Variants in ZNF618 observed in about 807,000 individuals in gnomAD.
ZNF618 encodes neural precursor cell expressed, developmentally down-regulated 10.
In ZNF618, 34 loss-of-function variants were observed where a neutral mutation model predicts 103.0. That is an observed-to-expected ratio of 0.33 (90% CI 0.25 to 0.44). The LOEUF (loss-of-function observed/expected upper bound fraction) is 0.44, where lower values mean the gene tolerates loss of function less well. Among genes scored for constraint, ZNF618 ranks in the 20% least tolerant of loss-of-function variants. ZNF618 has a pLI of 1.00. For synonymous variants in ZNF618, 551 were observed against 542.2 expected, an observed-to-expected ratio of 1.02 and a Z score of -0.23; for missense variants, 1,059 against 1,295.4, an observed-to-expected ratio of 0.82 and a Z score of 2.80.
chr9:114,020,658 A>C (rs111818545), intron 10 of ZNF618, among the ~76,000 whole-genome samples: 1 of 152,246 alleles, frequency 6.6e-6, no homozygotes, highest in African/African-American at 2.4e-5. Context: ...TGTGTATTGC[A>C]AATTAGCTAA....
At chr9:114,039,593 C>T (rs1018082210) in intron 13 of ZNF618, among the ~76,000 whole-genome samples, 3 of 152,096 alleles carry the variant, frequency 2.0e-5, no homozygotes, top group East Asian at 1.9e-4. Context: ...TCAAGTGATC[C>T]GCCCACCTCA....
intron 1 of ZNF618, among the ~76,000 whole-genome samples, chr9:113,948,212 A>G (rs1457600931): frequency 2.6e-5 from 4 of 152,194 alleles, no homozygotes; most frequent in African/African-American, 4.8e-5. Flanking sequence ...AGCATACTCC[A>G]TCGCCATTGT....
chr9:113,982,631 C>T (rs750719959), intron 2 of ZNF618, among the ~76,000 whole-genome samples: 3 of 152,030 alleles, frequency 2.0e-5, no homozygotes, highest in Admixed American at 1.3e-4. Context: ...AGGGGGCTAC[C>T]GCTCACCCCA....
At chr9:114,018,973 G>A (rs1235654690) in intron 10 of ZNF618, among the ~76,000 whole-genome samples, 1 of 152,178 alleles carries the variant, frequency 6.6e-6, no homozygotes, top group African/African-American at 2.4e-5. Context: ...TGTGGAGGCA[G>A]GGGCTGGACT....
rs530328128 is a variant in ZNF618 at position 114,002,549 on chromosome 9, C to G, written c.512-75C>G. 32 of 1,509,172 alleles carry G rather than the reference C, an allele frequency of 2.1e-5. No individual in the cohort carries two copies. The East Asian group carries it at 6.3e-4, about 30-fold the overall frequency. 93.5% of individuals were successfully genotyped at this position (1,509,172 alleles called of 1,614,324 possible). ...GCTCTTCCCCTGTGGCTTCCATGTTCTCTTTTGCACTTGGCACTGGCCCTG... is the reference window on the plus strand; with the variant it reads ...GCTCTTCCCCTGTGGCTTCCATGTTGTCTTTTGCACTTGGCACTGGCCCTG... On this transcript the variant is annotated intron_variant, in intron 5 of 14. Coordinates refer to ENST00000374126, the MANE Select transcript of ZNF618 (RefSeq NM_001318042.2).
chr9:113,883,177 A>G (rs574937970), intron 1 of ZNF618, among the ~76,000 whole-genome samples: 12 of 152,338 alleles, frequency 7.9e-5, no homozygotes, highest in Admixed American at 2.6e-4. Flanking sequence ...GTCAAAGCCA[A>G]TGTTTTATTA....
At chr9:113,924,382 G>A (rs1392137467) in intron 1 of ZNF618, among the ~76,000 whole-genome samples, 1 of 147,048 alleles carries the variant, frequency 6.8e-6, no homozygotes, top group African/African-American at 2.5e-5. Context: ...TTCGATTTCT[G>A]ATGTTAGTAA....
chr9:114,026,763 G>A (rs1198239582), intron 10 of ZNF618, among the ~76,000 whole-genome samples: 2 of 152,170 alleles, frequency 1.3e-5, no homozygotes, highest in Non-Finnish European at 2.9e-5. Flanking sequence ...TACATTTGAA[G>A]AGCAGTTTAT....
intron 1 of ZNF618, among the ~76,000 whole-genome samples, chr9:113,964,750 C>CTTTTTTT (rs765191153): frequency 1.4e-3 from 138 of 98,304 alleles, no homozygotes; most frequent in East Asian, 1.7e-3. Context: ...CTCCTTTCTG[C>CTTTTTTT]TTTTTTTTTT....
chr9:113,996,416 C>T (rs913473101), intron 3 of ZNF618, among the ~76,000 whole-genome samples: 3 of 152,148 alleles, frequency 2.0e-5, no homozygotes, highest in East Asian at 1.9e-4. Context: ...GAAAGGTGCC[C>T]GAGCTTCTCT....
intron 13 of ZNF618, among the ~76,000 whole-genome samples, chr9:114,040,793 G>A (rs1255216113): frequency 1.3e-5 from 2 of 151,676 alleles, no homozygotes; most frequent in African/African-American, 2.4e-5. Context: ...ATAAACATAC[G>A]TGTGCATGTG....
intron 1 of ZNF618, among the ~76,000 whole-genome samples, chr9:113,929,377 C>T (rs1255743460): frequency 6.6e-6 from 1 of 152,206 alleles, no homozygotes; most frequent in Non-Finnish European, 1.5e-5. Context: ...GGCCTCAATC[C>T]TCTGATATAT....
intron 1 of ZNF618, among the ~76,000 whole-genome samples, chr9:113,877,886 T>C (rs1409330078): frequency 4.6e-5 from 7 of 152,152 alleles, no homozygotes; most frequent in Admixed American, 3.9e-4. Context: ...ATTAACATTA[T>C]TATGAAAAAA....
intron 13 of ZNF618, among the ~76,000 whole-genome samples, chr9:114,043,782 G>A (rs1028951976): frequency 6.6e-6 from 1 of 152,110 alleles, no homozygotes; most frequent in Non-Finnish European, 1.5e-5. Flanking sequence ...GCTTTGATTT[G>A]CATTTCCCTG....
At chr9:113,998,158 C>A in intron 3 of ZNF618, 101 bp from the exon 4 acceptor site, 1 of 1,047,670 alleles carries the variant, frequency 9.5e-7, no homozygotes. Flanking sequence ...GCAGTGTGAT[C>A]TTGTCCACGC....
chr9:114,023,271 G>C (rs1446503435), intron 10 of ZNF618, among the ~76,000 whole-genome samples: 1 of 151,734 alleles, frequency 6.6e-6, no homozygotes, highest in African/African-American at 2.4e-5. Flanking sequence ...TAGCTTTCTA[G>C]CCATAACTCT....
Position 113,998,308 on chromosome 9 carries a change from G to T in ZNF618, c.387G>T (p.Arg129=), listed in dbSNP as rs902357870. 22 of 1,550,490 alleles carry T rather than the reference G, an allele frequency of 1.4e-5. No individual in the cohort carries two copies. The highest frequency in any genetic ancestry group is 1.9e-5 in the Non-Finnish European group (22 of 1,147,008). The change falls in exon 4 of 15, where the codon CGG becomes CGT. Residue 129 remains arginine, a synonymous_variant. Transcript: ENST00000374126. ...CCCACGGTGGATCTGTGCGAAGCCGGTATTCAGGGACCTGGATTTTTGACC... is the reference window on the plus strand; with the variant it reads ...CCCACGGTGGATCTGTGCGAAGCCGTTATTCAGGGACCTGGATTTTTGACC... ...GSPHGGSVRS[R]YSGTWIFDQA... is the part of the protein sequence containing the mutation.
intron 2 of ZNF618, among the ~76,000 whole-genome samples, chr9:113,982,404 C>T (rs1038133672): frequency 6.6e-6 from 1 of 152,044 alleles, no homozygotes; most frequent in African/African-American, 2.4e-5. Context: ...CTCTACCTCT[C>T]GGGGCGCATT....
intron 6 of ZNF618, among the ~76,000 whole-genome samples, chr9:114,005,593 G>T (rs1289282833): frequency 6.6e-6 from 1 of 152,196 alleles, no homozygotes; most frequent in African/African-American, 2.4e-5. Flanking sequence ...GCAGTGGTCA[G>T]CTTAGGAGAG....
Sources: gnomAD v4.1 joint callset for allele counts (sites outside exome capture counted in the v4.1 genomes callset) on GRCh38, gnomAD v4.1.1 for gene constraint, MANE v1.5 for transcripts, NCBI Gene and HGNC (gene_info 2026-07-23, HGNC 2026-07-21) for gene names.